Variants in ADARB2 observed in about 807,000 individuals in gnomAD.
ADARB2 encodes the protein inactive double-stranded RNA-specific editase B2.
Under a neutral mutation model 62.2 loss-of-function variants are expected in ADARB2, and 25 were observed. That is an observed-to-expected ratio of 0.40 (90% CI 0.29 to 0.56). The LOEUF is 0.56. Among genes scored for constraint, ADARB2 ranks in the 20% least tolerant of loss-of-function variants. ADARB2 has a pLI of 0.43. For missense variants in ADARB2, 1,071 were observed against 1,077.4 expected (o/e 0.99, Z 0.08); for synonymous variants, 572 against 500.8 (o/e 1.14, Z -1.90).
intron 1 of ADARB2, among the ~76,000 whole-genome samples, chr10:1,631,903 A>G (rs1588330952): frequency 6.6e-6 from 1 of 152,160 alleles, no homozygotes; most frequent in African/African-American, 2.4e-5. Flanking sequence ...TAAAATTCTC[A>G]CCTTCTTCTT....
intron 1 of ADARB2, among the ~76,000 whole-genome samples, chr10:1,403,644 C>T (rs1209444950): frequency 6.6e-6 from 1 of 152,152 alleles, no homozygotes; most frequent in Non-Finnish European, 1.5e-5. Context: ...AGGGAGGGCA[C>T]CGTGGCCCCG....
chr10:1,287,554 T>C (rs1012585292), intron 3 of ADARB2, among the ~76,000 whole-genome samples: 1 of 152,214 alleles, frequency 6.6e-6, no homozygotes, highest in Non-Finnish European at 1.5e-5. Context: ...CTTTCTCCTC[T>C]CCATTTCCGT....
intron 7 of ADARB2, among the ~76,000 whole-genome samples, chr10:1,207,353 A>G (rs1167460305): frequency 1.3e-5 from 2 of 152,202 alleles, no homozygotes; most frequent in Non-Finnish European, 1.5e-5. Flanking sequence ...CTCAATCTGT[A>G]CAATTTTACT....
rs112786995 is a variant in ADARB2, at chr10:1,321,930, G to T, written c.1077+41098C>A. 1.7e-4 allele frequency among the ~76,000 whole-genome samples: 26 copies of T among 152,022 alleles called. 1 individual carries two copies. The highest frequency in any genetic ancestry group is 5.1e-4 in the African/African-American group (21 of 41,426). ...GAAGGGAGCATGAATGAGAAGGGGA[G>T]GAGAGAGGCTCTGGGGGAGGACTTT... is the stretch of plus-strand genomic sequence containing the variant. On this transcript the variant is annotated intron_variant, in intron 3 of 9. Coordinates refer to ENST00000381312, the MANE Select transcript of ADARB2 (RefSeq NM_018702.4).
In ADARB2 at chr10:1,716,005, C is replaced by T. The variant is rs114674340; in HGVS notation, c.100+21046G>A. On this transcript the variant is annotated intron_variant, in intron 1 of 9. Transcript: ENST00000381312. ...CTCACGCCCAGCTGCTGTATGCACA[C>T]TCCCCTCCCGCCCGCTGAGTCAGTG... Among the ~76,000 whole-genome samples the T allele has an allele frequency of 2.4e-3, 359 of 152,344 alleles. 2 individuals are homozygous for T. The highest frequency in any genetic ancestry group is 8.3e-3 in the African/African-American group (347 of 41,586).
intron 3 of ADARB2, among the ~76,000 whole-genome samples, chr10:1,332,429 A>AAT (rs1564259982): frequency 6.7e-6 from 1 of 149,250 alleles, no homozygotes; most frequent in Non-Finnish European, 1.5e-5. Context: ...AAAAAAAAAA[A>AAT]AATAAATAAA....
intron 1 of ADARB2, among the ~76,000 whole-genome samples, chr10:1,496,708 T>G (rs1433777049): frequency 6.6e-6 from 1 of 152,012 alleles, no homozygotes; most frequent in Non-Finnish European, 1.5e-5. Flanking sequence ...TCATCACCAT[T>G]GTCATCATCA....
At chr10:1,337,733 CGATTTTACTATATT>C (rs1831987576) in intron 3 of ADARB2, among the ~76,000 whole-genome samples, 1 of 152,076 alleles carries the variant, frequency 6.6e-6, no homozygotes, top group Non-Finnish European at 1.5e-5. Context: ...ATTATTGATA[CGATTTTACTATATT>C]GATTTTATTG....
chr10:1,428,226 G>T (rs1008301218), intron 1 of ADARB2, among the ~76,000 whole-genome samples: 1 of 151,376 alleles, frequency 6.6e-6, no homozygotes. Flanking sequence ...ACCTGCCTCA[G>T]CCTCCCAAAG....
At chr10:1,693,544 T>C (rs1483923331) in intron 1 of ADARB2, among the ~76,000 whole-genome samples, 1 of 152,240 alleles carries the variant, frequency 6.6e-6, no homozygotes, top group Non-Finnish European at 1.5e-5. Context: ...ATTACTTCTT[T>C]TCAAAACGAC....
intron 1 of ADARB2, among the ~76,000 whole-genome samples, chr10:1,527,891 T>C (rs2676776): frequency 0.57 from 86,576 of 152,030 alleles, 25,320 homozygotes; most frequent in East Asian, 0.76. Context: ...TCAACATTCA[T>C]AAATTTATCA....
chr10:1,234,430 G>A (rs951376345), intron 5 of ADARB2, among the ~76,000 whole-genome samples: 4 of 152,140 alleles, frequency 2.6e-5, no homozygotes, highest in African/African-American at 9.7e-5. Context: ...ACATTTACCT[G>A]TCAGGGTTAT....
At chr10:1,644,934 A>G (rs1431914374) in intron 1 of ADARB2, among the ~76,000 whole-genome samples, 1 of 152,254 alleles carries the variant, frequency 6.6e-6, no homozygotes, top group African/African-American at 2.4e-5. Flanking sequence ...AGCAGTTTTA[A>G]GAGTGCGTGT....
intron 8 of ADARB2, among the ~76,000 whole-genome samples, chr10:1,193,026 C>T (rs1056951433): frequency 6.6e-6 from 1 of 152,236 alleles, no homozygotes; most frequent in East Asian, 1.9e-4. Context: ...GGCTTTTCCT[C>T]GCCTTCCCTC....
intron 4 of ADARB2, among the ~76,000 whole-genome samples, chr10:1,259,652 T>C (rs191735791): frequency 6.6e-6 from 1 of 152,184 alleles, no homozygotes; most frequent in African/African-American, 2.4e-5. Context: ...ATTGAGGCAA[T>C]AATTAATAGC....
intron 1 of ADARB2, among the ~76,000 whole-genome samples, chr10:1,612,322 A>AGC (rs1833582642): frequency 6.6e-6 from 1 of 152,362 alleles, no homozygotes; most frequent in African/African-American, 2.4e-5. Flanking sequence ...GAAAGAGCAG[A>AGC]GCGGCCATGG....
In ADARB2 at chr10:1,671,405, T is replaced by C. The variant is rs1429250008; in HGVS notation, c.100+65646A>G. 3.3e-5 allele frequency among the ~76,000 whole-genome samples: 5 copies of C among 152,360 alleles called. No homozygotes were observed. The South Asian group carries it at 8.3e-4, about 25-fold the overall frequency. On this transcript the variant is annotated intron_variant, in intron 1 of 9. Transcript: ENST00000381312. ...TCATGTTGGTTAACTCCAGCCCAGA[T>C]GTTGCAGAGGTTAAGTCTGCTATCA...
chr10:1,676,055 C>T, intron 1 of ADARB2: 2 of 985,404 alleles, frequency 2.0e-6, no homozygotes, highest in African/African-American at 1.7e-5. Flanking sequence ...ACCTGAGCCC[C>T]TGTGCACAGG....
At chr10:1,733,468 G>C (rs884861) in intron 1 of ADARB2, among the ~76,000 whole-genome samples, 77,075 of 151,850 alleles carry the variant, frequency 0.51, 20,162 homozygotes, top group Non-Finnish European at 0.56. Flanking sequence ...CAGAATATAT[G>C]CACTGTTTTA....
Sources: gnomAD v4.1 joint callset for allele counts (sites outside exome capture counted in the v4.1 genomes callset) on GRCh38, gnomAD v4.1.1 for gene constraint, MANE v1.5 for transcripts, NCBI Gene and HGNC (gene_info 2026-07-23, HGNC 2026-07-21) for gene names.